The following MAP3K14 variants were observed in gnomAD, a reference collection of about 807,000 sequenced individuals.
The protein encoded by MAP3K14 is mitogen-activated protein kinase kinase kinase 14, also known as NF-kappa-beta-inducing kinase.
Under a neutral mutation model 99.2 loss-of-function variants are expected in MAP3K14, and 16 were observed. The observed-to-expected ratio is 0.16, with a 90% CI of 0.11 to 0.24. MAP3K14 has a LOEUF of 0.24. MAP3K14 is among the 10% of genes least tolerant of loss of function. The pLI is 1.00. For synonymous variants in MAP3K14, 462 were observed against 492.4 expected (o/e 0.94, Z 0.82); for missense variants, 784 against 1,208.7 (o/e 0.65, Z 5.21).
rs761158136 is a variant in MAP3K14 at position 45,290,475 on chromosome 17, A to T, written c.256+15T>A. On this transcript the variant is annotated intron_variant, in intron 2 of 15. Transcript: ENST00000344686. ...ACCCACCTGCCCCGTGCCCACAACA[A>T]CCCTAGGCCCCTACACTCAGCCTGG... 3 of 1,612,636 alleles carry T rather than the reference A, an allele frequency of 1.9e-6. No homozygotes were observed. The highest frequency in any genetic ancestry group is 2.5e-6 in the Non-Finnish European group (3 of 1,179,424).
intron 1 of MAP3K14, among the ~76,000 whole-genome samples, chr17:45,314,842 G>A (rs7216796): frequency 0.49 from 73,660 of 151,818 alleles, 18,510 homozygotes; most frequent in Non-Finnish European, 0.54. Flanking sequence ...GCTGTCCATT[G>A]AGACAGGAAA....
chr17:45,269,228 T>C (rs960308660), intron 11 of MAP3K14, among the ~76,000 whole-genome samples: 8 of 151,958 alleles, frequency 5.3e-5, no homozygotes, highest in African/African-American at 1.5e-4. Flanking sequence ...CCCAGGCTGA[T>C]CTTGAACTCC....
intron 1 of MAP3K14, among the ~76,000 whole-genome samples, chr17:45,300,372 A>T: frequency 6.6e-6 from 1 of 152,220 alleles, no homozygotes; most frequent in East Asian, 1.9e-4. Flanking sequence ...TACTTAAGAC[A>T]ACCTCAAGCT....
chr17:45,303,606 T>TA (rs1339998955), intron 1 of MAP3K14, among the ~76,000 whole-genome samples: 2 of 152,268 alleles, frequency 1.3e-5, no homozygotes, highest in South Asian at 2.1e-4. Context: ...TGTAAAAATG[T>TA]AAACAAAACA....
chr17:45,314,335 GCT>G (rs2044511759), intron 1 of MAP3K14, among the ~76,000 whole-genome samples: 1 of 152,120 alleles, frequency 6.6e-6, no homozygotes, highest in African/African-American at 2.4e-5. Flanking sequence ...TGCCCACCCA[GCT>G]CTTGCAGATG....
rs573648981 is a variant in MAP3K14, at chr17:45,311,199, T to C, written c.-21+5761A>G. The stretch of plus-strand genomic sequence containing the variant: ...TCACTGCAAAAAATGTGAATGATCA[T>C]GTCCAGGCTATAATCCTAACAGCTC... On this transcript the variant is annotated intron_variant, in intron 1 of 15. Transcript: ENST00000344686. Among the ~76,000 whole-genome samples, 3 of 152,360 alleles carry C rather than the reference T, an allele frequency of 2.0e-5. No homozygotes were observed. The South Asian group carries it at 6.2e-4, about 32-fold the overall frequency.
intron 6 of MAP3K14, among the ~76,000 whole-genome samples, chr17:45,279,355 G>A (rs1199167119): frequency 1.3e-5 from 2 of 152,050 alleles, no homozygotes; most frequent in Admixed American, 6.5e-5. Flanking sequence ...TCGAACTCCC[G>A]ACCTCAGGTG....
intron 1 of MAP3K14, among the ~76,000 whole-genome samples, chr17:45,303,030 G>A (rs573321829): frequency 5.3e-5 from 8 of 152,360 alleles, no homozygotes; most frequent in Admixed American, 4.6e-4. Flanking sequence ...AAATGCATGC[G>A]TGGTTACAGG....
chr17:45,307,725 T>C (rs2044441109), intron 1 of MAP3K14, among the ~76,000 whole-genome samples: 1 of 152,226 alleles, frequency 6.6e-6, no homozygotes, highest in Non-Finnish European at 1.5e-5. Flanking sequence ...AAAGACAGGC[T>C]CAGGCTCCCT....
At position 45,286,866 on chromosome 17, in the gene MAP3K14, C is replaced by T. The variant is rs746370078; in HGVS notation, c.717G>A (p.Val239=). 7.4e-6 allele frequency: 12 copies of T among 1,613,910 alleles called. No individual in the cohort carries two copies. The highest frequency in any genetic ancestry group is 1.7e-5 in the Admixed American group (1 of 60,008). ...CGTCCTGGGGGTGGTGCAGTTTCCACACGTGGTTCAGACATTGCAAGGGGC... is the reference window on the plus strand; with the variant it reads ...CGTCCTGGGGGTGGTGCAGTTTCCATACGTGGTTCAGACATTGCAAGGGGC... ...LISPLQCLNH[V]WKLHHPQDGG... The change falls in exon 5 of 16, where the codon GTG becomes GTA. Residue 239 remains valine, a synonymous_variant. Coordinates refer to ENST00000344686, the MANE Select transcript of MAP3K14 (RefSeq NM_003954.5). This position sits in a 1 kb window ranked among gnomAD's most constrained non-coding sequence, Gnocchi z 4.1.
intron 1 of MAP3K14, 71 bp from the exon 2 acceptor site, chr17:45,290,836 T>C: frequency 6.6e-7 from 1 of 1,516,312 alleles, no homozygotes; most frequent in Non-Finnish European, 8.9e-7. Flanking sequence ...CAGCCTTGGG[T>C]TGGGGGAGAA....
intron 9 of MAP3K14, among the ~76,000 whole-genome samples, chr17:45,273,267 C>T (rs1263769236): frequency 2.0e-5 from 3 of 152,170 alleles, no homozygotes; most frequent in Non-Finnish European, 4.4e-5. Flanking sequence ...TACGGAGAGT[C>T]AACCAGCCTT....
At chr17:45,313,572 A>G (rs2044502412) in intron 1 of MAP3K14, among the ~76,000 whole-genome samples, 1 of 152,292 alleles carries the variant, frequency 6.6e-6, no homozygotes, top group East Asian at 1.9e-4. Flanking sequence ...CAGCCACCAC[A>G]TGTGACACGG....
chr17:45,274,375 T>C (rs1201828135), intron 7 of MAP3K14, 89 bp downstream of exon 7: 46 of 1,585,214 alleles, frequency 2.9e-5, no homozygotes, highest in Non-Finnish European at 3.9e-5. Flanking sequence ...TAACAATGGA[T>C]AGATCAGTGA....
chr17:45,299,955 T>A (rs976396426), intron 1 of MAP3K14, among the ~76,000 whole-genome samples: 1 of 152,016 alleles, frequency 6.6e-6, no homozygotes, highest in African/African-American at 2.4e-5. Flanking sequence ...CCAGGCATGG[T>A]GGCGCGTGCC....
At chr17:45,292,120 T>C (rs2044315166) in intron 1 of MAP3K14, among the ~76,000 whole-genome samples, 1 of 152,230 alleles carries the variant, frequency 6.6e-6, no homozygotes, top group Non-Finnish European at 1.5e-5. Context: ...TGTTCACTAT[T>C]GATTAGTTCC....
intron 11 of MAP3K14, among the ~76,000 whole-genome samples, chr17:45,269,463 T>C (rs1020207998): frequency 6.6e-6 from 1 of 152,194 alleles, no homozygotes; most frequent in Admixed American, 6.5e-5. Context: ...GATCTCTTTC[T>C]GTGTACTAAT....
intron 11 of MAP3K14, among the ~76,000 whole-genome samples, chr17:45,269,528 CAG>C (rs1000662426): frequency 1.2e-4 from 18 of 152,170 alleles, no homozygotes; most frequent in Non-Finnish European, 2.2e-4. Flanking sequence ...GGCTGGTCAT[CAG>C]AGAGACATAG....
At chr17:45,296,313 C>A (rs1255641189) in intron 1 of MAP3K14, among the ~76,000 whole-genome samples, 3 of 152,094 alleles carry the variant, frequency 2.0e-5, no homozygotes, top group Non-Finnish European at 2.9e-5. Context: ...TCACTTGAGA[C>A]CAGCAGTTTG....
Sources: allele counts gnomAD v4.1 joint callset (sites outside exome capture counted in the v4.1 genomes callset), GRCh38; gene constraint gnomAD v4.1.1; non-coding constraint Gnocchi (gnomAD v3.1); transcripts MANE v1.5; gene names NCBI Gene and HGNC (gene_info 2026-07-23, HGNC 2026-07-21).